Variants in CASTOR2 observed in about 807,000 individuals in gnomAD.
CASTOR2 encodes the protein GATS protein like 2.
A neutral mutation model predicts 31.2 loss-of-function variants in CASTOR2; 8 were observed. The ratio of observed to expected loss-of-function variants is 0.26; its 90% CI spans 0.15 to 0.46. The LOEUF (loss-of-function observed/expected upper bound fraction) is 0.46. Among genes scored for constraint, CASTOR2 ranks in the 20% least tolerant of loss-of-function variants. The pLI, the probability that CASTOR2 is intolerant of heterozygous loss-of-function variation, is 0.99. For synonymous variants in CASTOR2, 162 were observed against 158.7 expected, an observed-to-expected ratio of 1.02 and a Z score of -0.16; for missense variants, 216 against 382.1, an observed-to-expected ratio of 0.57 and a Z score of 3.62.
At chr7:75,010,751 G>C (rs1804723952) in intron 2 of CASTOR2, among the ~76,000 whole-genome samples, 1 of 152,136 alleles carries the variant, frequency 6.6e-6, no homozygotes, top group Non-Finnish European at 1.5e-5. Context: ...CAGGGTAAGG[G>C]CTTCCCTTCC....
chr7:74,998,381 A>G (rs1804404369), intron 1 of CASTOR2, among the ~76,000 whole-genome samples: 1 of 152,136 alleles, frequency 6.6e-6, no homozygotes, highest in Non-Finnish European at 1.5e-5. Flanking sequence ...AGGTGGGTGG[A>G]TCACCTGAGG....
At chr7:74,972,838 C>T (rs1219690248) in intron 1 of CASTOR2, among the ~76,000 whole-genome samples, 1 of 146,726 alleles carries the variant, frequency 6.8e-6, no homozygotes, top group Non-Finnish European at 1.5e-5. Flanking sequence ...TGCCACCACA[C>T]CCAGCTAATT....
chr7:75,003,882 C>T (rs1299131527), intron 1 of CASTOR2, among the ~76,000 whole-genome samples: 4 of 152,144 alleles, frequency 2.6e-5, no homozygotes, highest in Admixed American at 1.3e-4. Context: ...GAAGCCCACC[C>T]GTGCCAAGGT....
chr7:74,984,101 C>T lies in CASTOR2; in HGVS notation c.113+19003C>T, dbSNP rs1279554890. Reference sequence around the variant, plus strand: ...GCCTGACCCGGCCTTTCTGAGCCTTCAGCCCTCATCTTTGTCTGGGGGCAT... The same window carrying T: ...GCCTGACCCGGCCTTTCTGAGCCTTTAGCCCTCATCTTTGTCTGGGGGCAT... On this transcript the variant is annotated intron_variant, in intron 1 of 8. Coordinates refer to ENST00000616305, the MANE Select transcript of CASTOR2 (RefSeq NM_001145064.3). Among the ~76,000 whole-genome samples the T allele has an allele frequency of 2.0e-5, 3 of 149,950 alleles. No homozygotes were observed. In the Admixed American group the frequency reaches 2.0e-4, roughly 10 times the overall value.
rs2523313 is a variant in CASTOR2 at position 74,975,710 on chromosome 7, G to C, written c.113+10612G>C. Among the ~76,000 whole-genome samples the C allele has an allele frequency of 2.0e-3, 277 of 135,172 alleles. 7 individuals are homozygous for C. Among genetic ancestry groups the C allele is most frequent in the Non-Finnish European group, 3.0e-3 (187 of 62,294 alleles). The allele number at this position is 135,172 out of a possible 152,430, so 88.7% of individuals were successfully genotyped here. A position where few individuals can be genotyped will look rare whatever the true frequency, so the allele number is the denominator to read the frequency against. Reference sequence around the variant, plus strand: ...CCATGTCAAAAAAAAAAAAAAAAAAGCTGGGATACCTCCACCCCCCTCTCC... The same window carrying C: ...CCATGTCAAAAAAAAAAAAAAAAAACCTGGGATACCTCCACCCCCCTCTCC... On this transcript the variant is annotated intron_variant, in intron 1 of 8. Coordinates refer to ENST00000616305, the MANE Select transcript of CASTOR2 (RefSeq NM_001145064.3).
At position 75,012,444 on chromosome 7, in the gene CASTOR2, A is replaced by C. The variant is rs1283398130; in HGVS notation, c.184+4380A>C. On this transcript the variant is annotated intron_variant, in intron 2 of 8. Coordinates refer to ENST00000616305, the MANE Select transcript of CASTOR2 (RefSeq NM_001145064.3). ...CAGCCTCCTGAGTAGCTGGGATTACAGGCATGCACCACCACACCCGGCTAA... is the reference window on the plus strand; with the variant it reads ...CAGCCTCCTGAGTAGCTGGGATTACCGGCATGCACCACCACACCCGGCTAA... 6.9e-4 allele frequency among the ~76,000 whole-genome samples: 104 copies of C among 151,430 alleles called. 1 individual carries two copies. Among genetic ancestry groups the C allele is most frequent in the Non-Finnish European group, 1.2e-3 (83 of 67,896 alleles).
Position 75,007,494 on chromosome 7 carries a change from C to T in CASTOR2, c.114-500C>T, listed in dbSNP as rs1292234674. On this transcript the variant is annotated intron_variant, in intron 1 of 8. Coordinates refer to ENST00000616305, the MANE Select transcript of CASTOR2 (RefSeq NM_001145064.3). ...CTCTCTTTAGGGATGGAAAATAAAC[C>T]GAGGGCTGGGCTGTCAGTCAGCTGG... 3.9e-5 allele frequency among the ~76,000 whole-genome samples: 6 copies of T among 152,012 alleles called. 1 individual carries two copies. The highest frequency in any genetic ancestry group is 3.9e-4 in the East Asian group (2 of 5,194).
intron 1 of CASTOR2, among the ~76,000 whole-genome samples, chr7:74,988,711 T>A (rs1263005787): frequency 2.0e-5 from 3 of 152,180 alleles, no homozygotes; most frequent in Admixed American, 6.6e-5. Context: ...ATCATTTGAA[T>A]AACACTGCCC....
At chr7:74,988,599 CG>C (rs1488425383) in intron 1 of CASTOR2, among the ~76,000 whole-genome samples, 2 of 151,852 alleles carry the variant, frequency 1.3e-5, no homozygotes, top group African/African-American at 4.8e-5. Context: ...ACCCGGCCCA[CG>C]CTCCTTTTTT....
intron 7 of CASTOR2, among the ~76,000 whole-genome samples, chr7:75,024,207 T>C (rs1292665873): frequency 1.3e-5 from 2 of 152,150 alleles, no homozygotes; most frequent in African/African-American, 4.8e-5. Context: ...CGAGGATTGC[T>C]TGAACTCAGG....
chr7:75,003,974 C>A (rs1364099671), intron 1 of CASTOR2, among the ~76,000 whole-genome samples: 2 of 152,216 alleles, frequency 1.3e-5, no homozygotes, highest in Admixed American at 6.5e-5. Flanking sequence ...TACACACAGG[C>A]CGCTGTTGCC....
At chr7:75,001,223 C>T (rs1804487394) in intron 1 of CASTOR2, among the ~76,000 whole-genome samples, 1 of 152,066 alleles carries the variant, frequency 6.6e-6, no homozygotes, top group African/African-American at 2.4e-5. Flanking sequence ...ACTACAGGGG[C>T]ACACCACCAT....
chr7:75,024,201 G>T (rs1332571825), intron 7 of CASTOR2, among the ~76,000 whole-genome samples: 2 of 152,198 alleles, frequency 1.3e-5, no homozygotes, highest in African/African-American at 4.8e-5. Flanking sequence ...GAGGCACGAG[G>T]ATTGCTTGAA....
intron 2 of CASTOR2, among the ~76,000 whole-genome samples, chr7:75,015,762 G>C (rs1481647137): frequency 6.6e-6 from 1 of 151,404 alleles, no homozygotes; most frequent in African/African-American, 2.4e-5. Flanking sequence ...TTGAGTGTAC[G>C]GTGAGCAAAA....
rs1487062007 is a variant in CASTOR2, at chr7:75,018,026, T to C, written c.415T>C (p.Leu139=). 1.9e-6 allele frequency: 3 copies of C among 1,614,164 alleles called. No homozygotes were observed. The highest frequency in any genetic ancestry group is 4.5e-5 in the East Asian group (2 of 44,876). ...GGACCTGCCCTTTGTCACCCACACA[T>C]TGTCATCAGAGTTCACCATCCTGCG... is the stretch of plus-strand genomic sequence containing the variant. ...ERDLPFVTHT[L]SSEFTILRVV... is the part of the protein sequence containing the mutation. The change falls in exon 4 of 9, where the codon TTG becomes CTG. Residue 139 remains leucine, a synonymous_variant. Coordinates refer to ENST00000616305, the MANE Select transcript of CASTOR2 (RefSeq NM_001145064.3).
chr7:74,975,217 C>T (rs1803773621), intron 1 of CASTOR2, among the ~76,000 whole-genome samples: 2 of 151,510 alleles, frequency 1.3e-5, no homozygotes, highest in Non-Finnish European at 2.9e-5. Flanking sequence ...ATCTGCCCGC[C>T]TTGGCCTCCC....
intron 1 of CASTOR2, among the ~76,000 whole-genome samples, chr7:75,004,318 G>A (rs1178142140): frequency 2.0e-5 from 3 of 152,232 alleles, no homozygotes; most frequent in Non-Finnish European, 2.9e-5. Context: ...ATATGGGACA[G>A]GCAGGGACTG....
chr7:75,025,328 G>T lies in CASTOR2; in HGVS notation c.*629G>T, dbSNP rs2131960205. Among the ~76,000 whole-genome samples, 1 of 152,264 alleles carries T rather than the reference G, an allele frequency of 6.6e-6. No individual in the cohort carries two copies. The highest frequency in any genetic ancestry group is 1.9e-4 in the East Asian group (1 of 5,176). ...CTGTACCTCGCCTGCCAACCACAGG[G>T]CCTGGGCCCGACTCCCAGCAAGACT... On this transcript the variant is annotated 3_prime_UTR_variant, in exon 9 of 9. Transcript: ENST00000616305.
At chr7:75,015,784 C>T (rs1267469970) in intron 2 of CASTOR2, among the ~76,000 whole-genome samples, 8 of 151,940 alleles carry the variant, frequency 5.3e-5, no homozygotes, top group African/African-American at 1.2e-4. Context: ...AACCCTGCCT[C>T]GGCCAGGCGC....
Sources: allele counts gnomAD v4.1 joint callset (sites outside exome capture counted in the v4.1 genomes callset), GRCh38; gene constraint gnomAD v4.1.1; transcripts MANE v1.5; gene names NCBI Gene and HGNC (gene_info 2026-07-23, HGNC 2026-07-21).